FSTL4: variants seen among roughly 807,000 people sequenced by gnomAD.
FSTL4 encodes follistatin-related protein 4.
A neutral mutation model predicts 78.2 loss-of-function variants in FSTL4; 28 were observed. The ratio of observed to expected loss-of-function variants is 0.36; its 90% CI spans 0.27 to 0.49. The LOEUF (loss-of-function observed/expected upper bound fraction) is 0.49, where lower values mean the gene tolerates loss of function less well. Among genes scored for constraint, FSTL4 ranks in the 20% least tolerant of loss-of-function variants. The pLI is 0.98. For synonymous variants in FSTL4, 422 were observed against 440.5 expected, an observed-to-expected ratio of 0.96 and a Z score of 0.53; for missense variants, 922 against 1,084.9, an observed-to-expected ratio of 0.85 and a Z score of 2.11.
chr5:133,734,115 A>T, the FSTL4 span, among the ~76,000 whole-genome samples: 1 of 152,228 alleles, frequency 6.6e-6, no homozygotes, highest in African/African-American at 2.4e-5. Context: ...GAAAGTCACT[A>T]AATCCAGCCC....
intron 4 of FSTL4, among the ~76,000 whole-genome samples, chr5:133,380,815 CAT>C (rs34021720): frequency 3.4e-5 from 5 of 148,740 alleles, no homozygotes; most frequent in East Asian, 3.9e-4. Context: ...AAATATATAT[CAT>C]ATATATATAT....
At chr5:133,525,631 C>T (rs35872998) in intron 3 of FSTL4, among the ~76,000 whole-genome samples, 2,398 of 152,342 alleles carry the variant, frequency 0.016, 24 homozygotes, top group South Asian at 0.049. Flanking sequence ...CAAGCTATAT[C>T]GCAGCAGTGT....
chr5:133,815,734 G>C, the FSTL4 span, among the ~76,000 whole-genome samples: 1 of 152,190 alleles, frequency 6.6e-6, no homozygotes, highest in East Asian at 1.9e-4. Context: ...CACAAAGTCA[G>C]GTCTGAAAAT....
intron 3 of FSTL4, among the ~76,000 whole-genome samples, chr5:133,429,219 G>A (rs1035596644): frequency 1.3e-4 from 20 of 152,238 alleles, no homozygotes; most frequent in Admixed American, 1.2e-3. Flanking sequence ...CATGAATGCC[G>A]AGGAGCTGCC....
chr5:133,221,325 G>T (rs1426935516), intron 11 of FSTL4, among the ~76,000 whole-genome samples: 1 of 152,162 alleles, frequency 6.6e-6, no homozygotes, highest in Non-Finnish European at 1.5e-5. Flanking sequence ...GTCTAAGAAT[G>T]CTGCCCTTTG....
At chr5:133,831,218 G>A in the FSTL4 span, among the ~76,000 whole-genome samples, 1 of 152,178 alleles carries the variant, frequency 6.6e-6, no homozygotes, top group South Asian at 2.1e-4. Context: ...CCCCATGGAA[G>A]GGTATGTCTG....
At chr5:133,532,346 C>A (rs545914290) in intron 3 of FSTL4, among the ~76,000 whole-genome samples, 2 of 152,308 alleles carry the variant, frequency 1.3e-5, no homozygotes, top group African/African-American at 4.8e-5. Flanking sequence ...ACAAAATGCC[C>A]CACATTATCC....
chr5:133,227,626 T>C (rs1278876020), intron 8 of FSTL4, among the ~76,000 whole-genome samples: 2 of 152,102 alleles, frequency 1.3e-5, no homozygotes, highest in African/African-American at 4.8e-5. Context: ...GTTAATAAGC[T>C]TGGGTTCTTA....
the FSTL4 span, among the ~76,000 whole-genome samples, chr5:133,691,602 C>T: frequency 3.3e-5 from 5 of 152,100 alleles, no homozygotes; most frequent in African/African-American, 1.2e-4. Flanking sequence ...CTGAACTCTC[C>T]TTTGGTCCAA....
the FSTL4 span, among the ~76,000 whole-genome samples, chr5:133,717,415 G>A: frequency 6.6e-6 from 1 of 152,196 alleles, no homozygotes; most frequent in Non-Finnish European, 1.5e-5. Flanking sequence ...TTGTTTTTTA[G>A]AAGTTCTTTA....
the FSTL4 span, among the ~76,000 whole-genome samples, chr5:133,832,176 G>A: frequency 3.9e-5 from 6 of 152,194 alleles, no homozygotes; most frequent in African/African-American, 1.2e-4. Flanking sequence ...TTCGCCTCCT[G>A]CATTGTTTGG....
intron 3 of FSTL4, among the ~76,000 whole-genome samples, chr5:133,467,055 T>C (rs577224573): frequency 6.6e-6 from 1 of 151,948 alleles, no homozygotes; most frequent in South Asian, 2.1e-4. Context: ...TGTATGAGTA[T>C]ATGTATGTAT....
At chr5:133,359,883 G>C (rs996180629) in intron 4 of FSTL4, among the ~76,000 whole-genome samples, 1 of 152,204 alleles carries the variant, frequency 6.6e-6, no homozygotes, top group Non-Finnish European at 1.5e-5. Context: ...GGGAGCCAAG[G>C]AGGCCAGGGC....
chr5:133,696,980 C>T, the FSTL4 span, among the ~76,000 whole-genome samples: 1 of 152,170 alleles, frequency 6.6e-6, no homozygotes, highest in Non-Finnish European at 1.5e-5. Context: ...AGCGTCAGGT[C>T]CTTGGACCAG....
rs374592711 is a variant in FSTL4, at chr5:133,216,897, A to T, written c.1608+332T>A. On this transcript the variant is annotated intron_variant, in intron 13 of 15. Coordinates refer to ENST00000265342, the MANE Select transcript of FSTL4 (RefSeq NM_015082.2). ...CTCGGTCCTACCTGGCATCTCATTCACCTTGAGGGAAAAGGCCAATTGAAA... is the reference window on the plus strand; with the variant it reads ...CTCGGTCCTACCTGGCATCTCATTCTCCTTGAGGGAAAAGGCCAATTGAAA... 7.9e-5 allele frequency among the ~76,000 whole-genome samples: 12 copies of T among 152,098 alleles called. No homozygotes were observed. The East Asian group carries it at 1.7e-3, about 22-fold the overall frequency.
At chr5:133,433,454 G>A (rs918908605) in intron 3 of FSTL4, among the ~76,000 whole-genome samples, 9 of 152,272 alleles carry the variant, frequency 5.9e-5, no homozygotes, top group African/African-American at 1.9e-4. Context: ...AAGCTGTTTG[G>A]CATGATTTAC....
the FSTL4 span, among the ~76,000 whole-genome samples, chr5:133,669,538 C>G: frequency 6.6e-6 from 1 of 152,008 alleles, no homozygotes; most frequent in Non-Finnish European, 1.5e-5. Context: ...TGTGCCCTGC[C>G]CCCAGCAGCT....
At chr5:133,806,998 G>A in the FSTL4 span, among the ~76,000 whole-genome samples, 2 of 152,258 alleles carry the variant, frequency 1.3e-5, no homozygotes, top group Non-Finnish European at 2.9e-5. Context: ...TTCAGGTGTG[G>A]ACTGTCAATC....
chr5:133,485,498 C>T (rs544234759), intron 3 of FSTL4, among the ~76,000 whole-genome samples: 30 of 152,232 alleles, frequency 2.0e-4, no homozygotes, highest in Non-Finnish European at 3.8e-4. Flanking sequence ...TGCAGCAACT[C>T]AAATTAGGCT....
Sources: gnomAD v4.1 joint callset for allele counts (sites outside exome capture counted in the v4.1 genomes callset) on GRCh38, gnomAD v4.1.1 for gene constraint, MANE v1.5 for transcripts, NCBI Gene and HGNC (gene_info 2026-07-23, HGNC 2026-07-21) for gene names.